TYW1B: variants seen among roughly 807,000 people sequenced by gnomAD.
TYW1B encodes the protein tRNA-yW synthesizing protein 1 homolog B, also known as S-adenosyl-L-methionine-dependent tRNA 4-demethylwyosine synthase TYW1B.
TYW1B carries 73 observed loss-of-function variants against 86.9 expected under a neutral mutation model. The observed-to-expected ratio is 0.84, with a 90% CI of 0.70 to 1.02. TYW1B has a LOEUF of 1.02. Ranked by LOEUF, TYW1B falls within the 50% of genes least tolerant of loss-of-function variation. The pLI, the probability that TYW1B is intolerant of heterozygous loss-of-function variation, is 0.00. For synonymous variants in TYW1B, 248 were observed against 292.8 expected (o/e 0.85, Z 1.56); for missense variants, 637 against 827.4 (o/e 0.77, Z 2.82).
chr7:72,597,364 A>G (rs1490536446), intron 13 of TYW1B, among the ~76,000 whole-genome samples: 1 of 152,170 alleles, frequency 6.6e-6, no homozygotes, highest in Admixed American at 6.5e-5. Context: ...TTAGCTTAGA[A>G]AAAAAGAGGT....
intron 13 of TYW1B, among the ~76,000 whole-genome samples, chr7:72,610,886 C>T (rs1811918787): frequency 6.6e-6 from 1 of 152,190 alleles, no homozygotes; most frequent in African/African-American, 2.4e-5. Flanking sequence ...GTGGCACTCC[C>T]CTACCTAAAG....
At chr7:72,711,244 G>C (rs1480744242) in intron 10 of TYW1B, among the ~76,000 whole-genome samples, 1 of 150,878 alleles carries the variant, frequency 6.6e-6, no homozygotes, top group African/African-American at 2.5e-5. Flanking sequence ...CGCGCAGAAA[G>C]ATATATGGGA....
At chr7:72,685,108 T>A (rs1813976902) in intron 11 of TYW1B, among the ~76,000 whole-genome samples, 2 of 140,332 alleles carry the variant, frequency 1.4e-5, no homozygotes, top group Admixed American at 7.2e-5. Context: ...TGAGACTCAA[T>A]CTCGAAAAAA....
intron 2 of TYW1B, among the ~76,000 whole-genome samples, chr7:72,819,052 T>A (rs1242075444): frequency 2.6e-5 from 4 of 151,588 alleles, no homozygotes; most frequent in Non-Finnish European, 4.4e-5. Flanking sequence ...AAGGATAAAG[T>A]GAGATTTGAG....
Position 72,731,125 on chromosome 7 carries a change from GAAAAAAA to G in TYW1B, c.1083-2201_1083-2195del, listed in dbSNP as rs1162938084. On this transcript the variant is annotated intron_variant, in intron 8 of 13. Coordinates refer to ENST00000620995, the MANE Select transcript of TYW1B (RefSeq NM_001145440.3). The stretch of plus-strand genomic sequence containing the variant: ...ATGGGATGATATATTCTAAGGGCTG[GAAAAAAA>G]AAAAAAAAAAAAAAAGACCACCAAG... 3.1e-4 allele frequency among the ~76,000 whole-genome samples: 22 copies of G among 71,162 alleles called. 1 individual carries two copies. The highest frequency in any genetic ancestry group is 2.8e-3 in the Admixed American group (17 of 5,978). 46.7% of individuals were successfully genotyped at this position (71,162 alleles called of 152,430 possible).
intron 11 of TYW1B, among the ~76,000 whole-genome samples, chr7:72,662,189 T>C (rs1813344153): frequency 6.6e-6 from 1 of 152,228 alleles, no homozygotes; most frequent in Non-Finnish European, 1.5e-5. Flanking sequence ...AGATGGTAAT[T>C]TGCTTTCATA....
intron 13 of TYW1B, among the ~76,000 whole-genome samples, chr7:72,611,606 T>G (rs1407183983): frequency 2.0e-5 from 3 of 152,160 alleles, no homozygotes; most frequent in African/African-American, 7.2e-5. Flanking sequence ...AAACCTCTTT[T>G]CCTTTATAAA....
chr7:72,712,728 C>T (rs532388490), intron 10 of TYW1B, among the ~76,000 whole-genome samples: 1 of 152,172 alleles, frequency 6.6e-6, no homozygotes, highest in Non-Finnish European at 1.5e-5. Context: ...TAGGCTCCTG[C>T]TGCTTCTTGT....
At chr7:72,621,575 T>C (rs1193365353) in intron 12 of TYW1B, among the ~76,000 whole-genome samples, 5 of 152,246 alleles carry the variant, frequency 3.3e-5, no homozygotes, top group Non-Finnish European at 2.9e-5. Context: ...CAGGAACCTC[T>C]ACGCTATCTG....
chr7:72,702,591 A>G (rs1308149368), intron 10 of TYW1B, among the ~76,000 whole-genome samples: 1 of 151,976 alleles, frequency 6.6e-6, no homozygotes, highest in East Asian at 1.9e-4. Flanking sequence ...TTCACTATGT[A>G]GGTCAAGCTG....
intron 10 of TYW1B, among the ~76,000 whole-genome samples, chr7:72,709,912 A>G (rs1378244678): frequency 2.0e-5 from 3 of 152,092 alleles, no homozygotes; most frequent in Non-Finnish European, 4.4e-5. Context: ...ATGCCATCCT[A>G]TCTCATTTGT....
chr7:72,794,570 T>C (rs1585988805), intron 6 of TYW1B, among the ~76,000 whole-genome samples: 1 of 149,510 alleles, frequency 6.7e-6, no homozygotes, highest in Admixed American at 6.7e-5. Context: ...AAAAAAAAGG[T>C]ATACTTCTCT....
rs565372378 is a variant in TYW1B, at chr7:72,714,140, T to C, written c.1193-342A>G. Among the ~76,000 whole-genome samples, 4 of 152,262 alleles carry C rather than the reference T, an allele frequency of 2.6e-5. No homozygotes were observed. In the East Asian group the frequency reaches 7.7e-4, roughly 29 times the overall value. ...AGAAAATGAACTCAGTATATCTGCA[T>C]AAGAACAAGCTTCTTCTAGACCAAT... On this transcript the variant is annotated intron_variant, in intron 9 of 13. Coordinates refer to ENST00000620995, the MANE Select transcript of TYW1B (RefSeq NM_001145440.3).
chr7:72,816,318 G>A (rs1361615461), intron 2 of TYW1B, among the ~76,000 whole-genome samples: 4 of 152,088 alleles, frequency 2.6e-5, no homozygotes, highest in African/African-American at 9.7e-5. Context: ...AGAGGTTGCA[G>A]TGAGCCAAGA....
intron 10 of TYW1B, among the ~76,000 whole-genome samples, chr7:72,708,379 T>C (rs1337014525): frequency 6.6e-6 from 1 of 152,168 alleles, no homozygotes; most frequent in Non-Finnish European, 1.5e-5. Flanking sequence ...TCCTAGTGTA[T>C]GTGTAAGGTC....
At chr7:72,666,333 G>A (rs569250966) in intron 11 of TYW1B, among the ~76,000 whole-genome samples, 1 of 152,200 alleles carries the variant, frequency 6.6e-6, no homozygotes, top group African/African-American at 2.4e-5. Context: ...GGCTGAGGTG[G>A]GAAGATTGCT....
chr7:72,662,857 T>C (rs532443145), intron 11 of TYW1B, among the ~76,000 whole-genome samples: 1 of 152,344 alleles, frequency 6.6e-6, no homozygotes, highest in East Asian at 1.9e-4. Context: ...GTTTCTATTA[T>C]CTTCATTTCC....
rs142770721 is a variant in TYW1B, at chr7:72,643,518, C to T, written c.1507-14521G>A. Among the ~76,000 whole-genome samples, 604 of 151,318 alleles carry T rather than the reference C, an allele frequency of 4.0e-3. 2 individuals carry two copies. Among genetic ancestry groups the T allele is most frequent in the African/African-American group, 0.014 (568 of 41,214 alleles). ...AGGAGAACCGCTTGAACCTGGGAGGCGGAGGTGGCAGTCAGCCAAGATCGC... is the reference window on the plus strand; with the variant it reads ...AGGAGAACCGCTTGAACCTGGGAGGTGGAGGTGGCAGTCAGCCAAGATCGC... On this transcript the variant is annotated intron_variant, in intron 11 of 13. Coordinates refer to ENST00000620995, the MANE Select transcript of TYW1B (RefSeq NM_001145440.3).
At chr7:72,595,928 C>T (rs1294076272) in intron 13 of TYW1B, among the ~76,000 whole-genome samples, 7 of 151,960 alleles carry the variant, frequency 4.6e-5, no homozygotes, top group Non-Finnish European at 1.0e-4. Context: ...GTAATCCCAG[C>T]ATTTTGGGAG....
Sources: allele counts gnomAD v4.1 joint callset (sites outside exome capture counted in the v4.1 genomes callset), GRCh38; gene constraint gnomAD v4.1.1; transcripts MANE v1.5; gene names NCBI Gene and HGNC (gene_info 2026-07-23, HGNC 2026-07-21).